ANKRD6: variants seen among roughly 807,000 people sequenced by gnomAD.
The protein encoded by ANKRD6 is ankyrin repeat domain 6, also known as ankyrin repeat domain-containing protein 6.
Under a neutral mutation model 82.3 loss-of-function variants are expected in ANKRD6, and 56 were observed. That is an observed-to-expected ratio of 0.68 (90% CI 0.55 to 0.85). The LOEUF (loss-of-function observed/expected upper bound fraction) is 0.85. Among genes scored for constraint, ANKRD6 ranks in the 40% least tolerant of loss-of-function variants. ANKRD6 has a pLI of 0.00. For missense variants in ANKRD6, 852 were observed against 907.6 expected, an observed-to-expected ratio of 0.94 and a Z score of 0.79; for synonymous variants, 347 against 352.1, an observed-to-expected ratio of 0.99 and a Z score of 0.16.
At chr6:89,608,285 G>T (rs1216202782) in intron 5 of ANKRD6, among the ~76,000 whole-genome samples, 1 of 151,586 alleles carries the variant, frequency 6.6e-6, no homozygotes, top group South Asian at 2.1e-4. Flanking sequence ...AATGAATCAG[G>T]TGGGCTAGAA....
At chr6:89,495,095 G>T (rs943216661) in intron 1 of ANKRD6, among the ~76,000 whole-genome samples, 1 of 152,150 alleles carries the variant, frequency 6.6e-6, no homozygotes, top group Admixed American at 6.5e-5. Flanking sequence ...TTAGCCGGGC[G>T]TGGTGGCAGG....
Position 89,465,149 on chromosome 6 carries a change from G to A in ANKRD6, c.-144+31774G>A, listed in dbSNP as rs554053694. Among the ~76,000 whole-genome samples the A allele has an allele frequency of 5.5e-5, 8 of 145,552 alleles. No individual in the cohort carries two copies. The East Asian group carries it at 6.0e-4, about 11-fold the overall frequency. On this transcript the variant is annotated intron_variant, in intron 1 of 15. Transcript: ENST00000339746. The stretch of plus-strand genomic sequence containing the variant: ...TTTTTTTTTTTTTTGAGATGGAGTC[G>A]TGCTCTGTGGCCCAGGCTGGAGTGC...
chr6:89,437,066 G>A (rs1229510460), intron 1 of ANKRD6, among the ~76,000 whole-genome samples: 2 of 152,150 alleles, frequency 1.3e-5, no homozygotes, highest in Non-Finnish European at 2.9e-5. Context: ...TTATGTATAA[G>A]TATTTAAGTG....
intron 1 of ANKRD6, among the ~76,000 whole-genome samples, chr6:89,514,968 A>T (rs1781034970): frequency 6.6e-6 from 1 of 152,070 alleles, no homozygotes; most frequent in African/African-American, 2.4e-5. Context: ...CCATATGCTT[A>T]TTGGCTGTCT....
At chr6:89,556,689 A>T (rs1287266681) in intron 1 of ANKRD6, among the ~76,000 whole-genome samples, 1 of 152,244 alleles carries the variant, frequency 6.6e-6, no homozygotes, top group Non-Finnish European at 1.5e-5. Flanking sequence ...GCTAAAGAAG[A>T]TGGAACAGAT....
chr6:89,597,116 CTA>C (rs1464623546), intron 3 of ANKRD6, among the ~76,000 whole-genome samples: 27 of 152,370 alleles, frequency 1.8e-4, no homozygotes, highest in Admixed American at 6.5e-5. Context: ...AAAGAAATAA[CTA>C]TGACTGTTTT....
In ANKRD6 at chr6:89,578,286, C is replaced by CTTT. The variant is rs71024383; in HGVS notation, c.120+11214_120+11216dup. Among the ~76,000 whole-genome samples, 40 of 119,126 alleles carry CTTT rather than the reference C, an allele frequency of 3.4e-4. 9 individuals are homozygous for CTTT. Among genetic ancestry groups the CTTT allele is most frequent in the African/African-American group, 6.5e-4 (20 of 30,738 alleles). The allele number at this position is 119,126 out of a possible 152,430, so 78.2% of individuals were successfully genotyped here. A position where few individuals can be genotyped will look rare whatever the true frequency, so the allele number is the denominator to read the frequency against. Reference sequence around the variant, plus strand: ...ATTAGCTTTTTCCCCCTCCCGCCTCCTTTTTTTTTTTTTTTTTTTTTTTTT... The same window carrying CTTT: ...ATTAGCTTTTTCCCCCTCCCGCCTCCTTTTTTTTTTTTTTTTTTTTTTTTTTTT... On this transcript the variant is annotated intron_variant, in intron 2 of 15. Transcript: ENST00000339746.
rs1806724529 is a variant in ANKRD6, at chr6:89,629,207, A to C, written c.1581A>C (p.Lys527Asn). The C allele has an allele frequency of 1.2e-6, 2 of 1,613,748 alleles. No homozygotes were observed. Among genetic ancestry groups the C allele is most frequent in the Admixed American group, 1.7e-5 (1 of 59,992 alleles). The change falls in exon 15 of 16, where the codon AAA becomes AAC. Residue 527 changes from lysine to asparagine, a missense_variant. Transcript: ENST00000339746. Reference protein sequence around the residue: ...LSGDSRACRAKSTPSTCESST... With the variant: ...LSGDSRACRANSTPSTCESST... ...GAGATTCTAGGGCCTGCAGAGCTAA[A>C]TCCACACCATCTACTTGTGAGTCCT... is the stretch of plus-strand genomic sequence containing the variant.
chr6:89,436,046 G>A (rs557975688), intron 1 of ANKRD6, among the ~76,000 whole-genome samples: 76 of 152,266 alleles, frequency 5.0e-4, no homozygotes, highest in Non-Finnish European at 6.9e-4. Flanking sequence ...TTAGGCTTCA[G>A]TAGTTAGTAA....
intron 2 of ANKRD6, among the ~76,000 whole-genome samples, chr6:89,594,498 T>G (rs1424841830): frequency 6.6e-6 from 1 of 152,114 alleles, no homozygotes; most frequent in African/African-American, 2.4e-5. Flanking sequence ...ACACAATGTT[T>G]ATATATATTG....
At chr6:89,566,319 G>T (rs144551696) in intron 1 of ANKRD6, among the ~76,000 whole-genome samples, 30 of 152,328 alleles carry the variant, frequency 2.0e-4, no homozygotes, top group African/African-American at 7.2e-4. Flanking sequence ...TGAAGGGAGA[G>T]AACTGCAGTA....
chr6:89,556,270 T>C (rs1442617555), intron 1 of ANKRD6, among the ~76,000 whole-genome samples: 1 of 152,264 alleles, frequency 6.6e-6, no homozygotes, highest in Non-Finnish European at 1.5e-5. Flanking sequence ...TTGCCTCTCA[T>C]TGGCTCATTG....
intron 1 of ANKRD6, among the ~76,000 whole-genome samples, chr6:89,556,617 G>A (rs1786639384): frequency 6.6e-6 from 1 of 152,214 alleles, no homozygotes; most frequent in African/African-American, 2.4e-5. Flanking sequence ...GCAACATTCA[G>A]TTAGAGACCG....
chr6:89,568,284 C>T (rs558838015), intron 2 of ANKRD6: 1 of 152,316 alleles, frequency 6.6e-6, no homozygotes, highest in African/African-American at 2.4e-5. Context: ...GTGCAAGTTG[C>T]TTAACTTCTT....
intron 1 of ANKRD6, among the ~76,000 whole-genome samples, chr6:89,446,296 G>A (rs542485812): frequency 2.6e-5 from 4 of 152,252 alleles, no homozygotes; most frequent in Admixed American, 1.3e-4. Flanking sequence ...AGGTTGCAGT[G>A]AGTCAAGATC....
chr6:89,622,160 A>G lies in ANKRD6; in HGVS notation c.897+134A>G, dbSNP rs1583891680. On this transcript the variant is annotated intron_variant, in intron 10 of 15. Transcript: ENST00000339746. Reference sequence around the variant, plus strand: ...CTCTCCTCCTTGCTGGAGCTCTTCAAACTGTTGCCAGTCTTTTTCTCTTTG... The same window carrying G: ...CTCTCCTCCTTGCTGGAGCTCTTCAGACTGTTGCCAGTCTTTTTCTCTTTG... 6.8e-6 allele frequency: 5 copies of G among 732,070 alleles called. No homozygotes were observed. In the East Asian group the frequency reaches 1.3e-4, roughly 20 times the overall value. 45.3% of individuals were successfully genotyped at this position (732,070 alleles called of 1,614,324 possible).
chr6:89,584,116 A>G (rs561454539), intron 2 of ANKRD6, among the ~76,000 whole-genome samples: 1 of 152,330 alleles, frequency 6.6e-6, no homozygotes, highest in Admixed American at 6.5e-5. Context: ...AGACATTATA[A>G]TATTGTGGCA....
intron 1 of ANKRD6, among the ~76,000 whole-genome samples, chr6:89,445,091 A>G (rs373760747): frequency 4.6e-5 from 7 of 152,230 alleles, no homozygotes; most frequent in Admixed American, 3.3e-4. Context: ...CGTGTTTTTC[A>G]CGAATTGAAG....
At chr6:89,612,210 C>T (rs1281115636) in intron 5 of ANKRD6, 62 bp from the exon 6 acceptor site, 10 of 1,442,480 alleles carry the variant, frequency 6.9e-6, no homozygotes, top group Non-Finnish European at 9.5e-6. Context: ...CTCTGCAAGG[C>T]ATGCAAGTCT....
Sources: gnomAD v4.1 joint callset for allele counts (sites outside exome capture counted in the v4.1 genomes callset) on GRCh38, gnomAD v4.1.1 for gene constraint, MANE v1.5 for transcripts, NCBI Gene and HGNC (gene_info 2026-07-23, HGNC 2026-07-21) for gene names.